Variants in LARGE1 observed in about 807,000 individuals in gnomAD.
The protein encoded by LARGE1 is LARGE xylosyl- and glucuronyltransferase 1.
Under a neutral mutation model 87.6 loss-of-function variants are expected in LARGE1, and 43 were observed. The ratio of observed to expected loss-of-function variants is 0.49; its 90% CI spans 0.38 to 0.63. The LOEUF (loss-of-function observed/expected upper bound fraction) is 0.63. Among genes scored for constraint, LARGE1 ranks in the 30% least tolerant of loss-of-function variants. The probability of loss-of-function intolerance (pLI) is 0.00; values close to 1 mark genes in which losing one functional copy is unlikely to be tolerated. For synonymous variants in LARGE1, 434 were observed against 394.6 expected, an observed-to-expected ratio of 1.10 and a Z score of -1.18; for missense variants, 802 against 1,000.2, an observed-to-expected ratio of 0.80 and a Z score of 2.67.
chr22:33,585,907 C>T (rs1023463106), intron 5 of LARGE1, among the ~76,000 whole-genome samples: 2 of 152,188 alleles, frequency 1.3e-5, no homozygotes, highest in African/African-American at 4.8e-5. Flanking sequence ...CCATGTTGGC[C>T]AGGCTGGTCT....
At chr22:33,192,503 T>TA (rs914443953) in intron 11 of LARGE1, among the ~76,000 whole-genome samples, 53 of 151,538 alleles carry the variant, frequency 3.5e-4, no homozygotes, top group Middle Eastern at 3.4e-3. Context: ...CTTCTCCCCT[T>TA]AAAAAAAAAT....
chr22:33,572,731 A>G (rs576496671), intron 5 of LARGE1, among the ~76,000 whole-genome samples: 1 of 152,076 alleles, frequency 6.6e-6, no homozygotes, highest in Non-Finnish European at 1.5e-5. Flanking sequence ...TTAGCCAGGC[A>G]TGGTGGCGCA....
chr22:33,775,329 C>A (rs1050984528), intron 1 of LARGE1, among the ~76,000 whole-genome samples: 53 of 152,218 alleles, frequency 3.5e-4, no homozygotes, highest in Admixed American at 1.4e-3. Context: ...CAGCTTCATA[C>A]CCTGGCATGG....
Position 33,762,708 on chromosome 22 carries a change from G to A in LARGE1, c.-82-1150C>T, listed in dbSNP as rs541766430. On this transcript the variant is annotated intron_variant, in intron 1 of 14. Coordinates refer to ENST00000397394, the MANE Select transcript of LARGE1 (RefSeq NM_133642.5). ...TGGCCGTGATGTGTCAACGGAAGAG[G>A]GAGCAGGTTGGTGCAGACAAAGTGG... Among the ~76,000 whole-genome samples the A allele has an allele frequency of 2.0e-5, 3 of 152,294 alleles. No individual in the cohort carries two copies. In the East Asian group the frequency reaches 5.8e-4, roughly 29 times the overall value.
intron 11 of LARGE1, among the ~76,000 whole-genome samples, chr22:33,315,693 G>C (rs1189955704): frequency 6.6e-6 from 1 of 151,750 alleles, no homozygotes; most frequent in Non-Finnish European, 1.5e-5. Flanking sequence ...GCAGTGTCAC[G>C]ATCTTGGCTC....
At chr22:33,107,506 G>A in the LARGE1 span, among the ~76,000 whole-genome samples, 2 of 151,842 alleles carry the variant, frequency 1.3e-5, no homozygotes, top group African/African-American at 2.4e-5. Context: ...AGAGATCCAC[G>A]TTCGCACCAC....
intron 6 of LARGE1, among the ~76,000 whole-genome samples, chr22:33,473,758 C>T (rs759104510): frequency 9.2e-5 from 14 of 152,056 alleles, no homozygotes; most frequent in Non-Finnish European, 1.8e-4. Flanking sequence ...TTCATACCTT[C>T]TACATACACA....
intron 7 of LARGE1, among the ~76,000 whole-genome samples, chr22:33,429,818 C>T (rs1264471060): frequency 6.6e-6 from 1 of 152,118 alleles, no homozygotes; most frequent in Non-Finnish European, 1.5e-5. Context: ...GGTGACTAGT[C>T]GTTTGCCAGA....
intron 6 of LARGE1, among the ~76,000 whole-genome samples, chr22:33,467,114 T>C (rs1601969659): frequency 1.3e-5 from 2 of 152,322 alleles, no homozygotes; most frequent in South Asian, 4.1e-4. Context: ...GTTTCAACTG[T>C]GTCTTCCATT....
intron 9 of LARGE1, among the ~76,000 whole-genome samples, chr22:33,373,393 T>C (rs2064883728): frequency 6.6e-6 from 1 of 152,200 alleles, no homozygotes; most frequent in Non-Finnish European, 1.5e-5. Flanking sequence ...CTGAGATCCA[T>C]TTAATTTCCC....
chr22:33,514,826 A>G (rs942099968), intron 6 of LARGE1, among the ~76,000 whole-genome samples: 4 of 152,180 alleles, frequency 2.6e-5, no homozygotes, highest in African/African-American at 9.7e-5. Flanking sequence ...GGGTGAAACA[A>G]TCACTTCATT....
the LARGE1 span, among the ~76,000 whole-genome samples, chr22:33,149,014 T>C: frequency 1.3e-5 from 2 of 151,638 alleles, no homozygotes; most frequent in African/African-American, 4.8e-5. Flanking sequence ...TCCTGGTTTA[T>C]GGCTTCATTT....
intron 7 of LARGE1, among the ~76,000 whole-genome samples, chr22:33,402,386 A>G (rs1322251834): frequency 6.6e-6 from 1 of 152,182 alleles, no homozygotes; most frequent in Admixed American, 6.5e-5. Flanking sequence ...GCTTGAATAA[A>G]AGCCTCTTGA....
At chr22:33,257,815 A>G (rs963442243) in intron 11 of LARGE1, among the ~76,000 whole-genome samples, 1 of 152,204 alleles carries the variant, frequency 6.6e-6, no homozygotes, top group African/African-American at 2.4e-5. Flanking sequence ...GACCTACTAC[A>G]TGTTAGGAAC....
chr22:33,730,272 T>C (rs1280568576), intron 2 of LARGE1, among the ~76,000 whole-genome samples: 1 of 152,244 alleles, frequency 6.6e-6, no homozygotes, highest in Non-Finnish European at 1.5e-5. Context: ...TCTAGTTTAC[T>C]TCACTGTAAG....
intron 11 of LARGE1, among the ~76,000 whole-genome samples, chr22:33,264,927 G>A (rs1014542798): frequency 8.8e-6 from 1 of 113,434 alleles, no homozygotes; most frequent in Non-Finnish European, 1.6e-5. Flanking sequence ...ATGGAGTCTC[G>A]CTCTACTGCC....
chr22:33,815,933 A>G (rs539265795), intron 1 of LARGE1, among the ~76,000 whole-genome samples: 20 of 152,262 alleles, frequency 1.3e-4, no homozygotes, highest in African/African-American at 4.6e-4. Context: ...CATAAGTACT[A>G]CTTATGAGAC....
the LARGE1 span, among the ~76,000 whole-genome samples, chr22:33,149,880 T>C: frequency 6.6e-6 from 1 of 152,224 alleles, no homozygotes. Context: ...ATCTTTCTTA[T>C]GCTTAGGATC....
rs556291409 is a variant in LARGE1, at chr22:33,366,963, G to A, written c.1131+14956C>T. Among the ~76,000 whole-genome samples, 873 of 152,204 alleles carry A rather than the reference G, an allele frequency of 5.7e-3. 3 individuals carry two copies. The highest frequency in any genetic ancestry group is 8.6e-3 in the Non-Finnish European group (583 of 68,004). ...TTGGTAGAACTTATTTCTACTTGCCGTCTAGGGGTACTGTTTTAAAAAGGT... is the reference window on the plus strand; with the variant it reads ...TTGGTAGAACTTATTTCTACTTGCCATCTAGGGGTACTGTTTTAAAAAGGT... On this transcript the variant is annotated intron_variant, in intron 9 of 14. Transcript: ENST00000397394.
Sources: gnomAD v4.1 joint callset for allele counts (sites outside exome capture counted in the v4.1 genomes callset) on GRCh38, gnomAD v4.1.1 for gene constraint, MANE v1.5 for transcripts, NCBI Gene and HGNC (gene_info 2026-07-23, HGNC 2026-07-21) for gene names.